CNTN5: variants seen among roughly 807,000 people sequenced by gnomAD.
CNTN5 encodes contactin-5.
In CNTN5, 77 loss-of-function variants were observed where a neutral mutation model predicts 129.1. That is an observed-to-expected ratio of 0.60 (90% CI 0.50 to 0.72). CNTN5 has a LOEUF of 0.72. Among genes scored for constraint, CNTN5 ranks in the 30% least tolerant of loss-of-function variants. The probability of loss-of-function intolerance (pLI) is 0.00; values close to 1 mark genes in which losing one functional copy is unlikely to be tolerated. For missense variants in CNTN5, 1,478 were observed against 1,328.8 expected, an observed-to-expected ratio of 1.11 and a Z score of -1.75; for synonymous variants, 509 against 465.6, an observed-to-expected ratio of 1.09 and a Z score of -1.20.
chr11:99,237,430 C>A lies in CNTN5; in HGVS notation c.-209-87916C>A, dbSNP rs1241936478. Among the ~76,000 whole-genome samples, 3 of 152,146 alleles carry A rather than the reference C, an allele frequency of 2.0e-5. No individual in the cohort carries two copies. The East Asian group carries it at 5.8e-4, about 29-fold the overall frequency. On this transcript the variant is annotated intron_variant, in intron 1 of 24. Transcript: ENST00000524871. ...AGGCATGGTGGCTCAGGCCTGTAATCCCGACACTGTGGGAAGCCGAGGTGG... is the reference window on the plus strand; with the variant it reads ...AGGCATGGTGGCTCAGGCCTGTAATACCGACACTGTGGGAAGCCGAGGTGG...
chr11:99,390,586 A>G (rs963557933), intron 2 of CNTN5, among the ~76,000 whole-genome samples: 2 of 152,158 alleles, frequency 1.3e-5, no homozygotes, highest in Non-Finnish European at 2.9e-5. Context: ...CAGAATTTTT[A>G]TCCATTTGCG....
At chr11:100,091,621 G>C (rs1190828221) in intron 13 of CNTN5, among the ~76,000 whole-genome samples, 3 of 151,530 alleles carry the variant, frequency 2.0e-5, no homozygotes, top group Admixed American at 2.0e-4. Context: ...TAGAAAATGG[G>C]TTTCACCACG....
At chr11:100,258,672 A>G (rs1177773489) in intron 17 of CNTN5, among the ~76,000 whole-genome samples, 2 of 152,206 alleles carry the variant, frequency 1.3e-5, no homozygotes, top group Non-Finnish European at 2.9e-5. Context: ...TTTTCAACCC[A>G]GAATTTCATA....
At chr11:99,333,868 C>G (rs1170677597) in intron 2 of CNTN5, among the ~76,000 whole-genome samples, 1 of 151,880 alleles carries the variant, frequency 6.6e-6, no homozygotes, top group Non-Finnish European at 1.5e-5. Context: ...ATATTATTGT[C>G]CTCATGGTGA....
chr11:99,254,104 G>A (rs377706108), intron 1 of CNTN5, among the ~76,000 whole-genome samples: 1 of 151,596 alleles, frequency 6.6e-6, no homozygotes, highest in African/African-American at 2.4e-5. Context: ...TCAAATAATG[G>A]TTACCAATGG....
Position 99,774,846 on chromosome 11 carries a change from G to C in CNTN5, c.56-44698G>C, listed in dbSNP as rs539632698. Among the ~76,000 whole-genome samples the C allele has an allele frequency of 3.9e-5, 6 of 151,964 alleles. No homozygotes were observed. In the South Asian group the frequency reaches 1.2e-3, roughly 32 times the overall value. ...TTTTGTTCTTTTCTACTACATTAAA[G>C]CCATTATAACAAAATATTAAAAAAA... On this transcript the variant is annotated intron_variant, in intron 3 of 24. Transcript: ENST00000524871.
At chr11:99,028,704 CAAGGT>C (rs60872555) in intron 1 of CNTN5, among the ~76,000 whole-genome samples, 23,613 of 151,590 alleles carry the variant, frequency 0.16, 1,895 homozygotes, top group East Asian at 0.33. Context: ...TAGCCAAACT[CAAGGT>C]AAAAATGAAT....
intron 3 of CNTN5, among the ~76,000 whole-genome samples, chr11:99,578,257 T>A (rs1350775235): frequency 1.3e-5 from 2 of 152,068 alleles, no homozygotes. Flanking sequence ...GTTCCAAGTC[T>A]TTGCTATTGT....
At chr11:99,622,196 A>G (rs1000439668) in intron 3 of CNTN5, among the ~76,000 whole-genome samples, 2 of 152,184 alleles carry the variant, frequency 1.3e-5, no homozygotes, top group Admixed American at 6.5e-5. Flanking sequence ...TAATAACTGT[A>G]TATTTGCAAT....
chr11:99,082,247 G>A (rs1247407730), intron 1 of CNTN5, among the ~76,000 whole-genome samples: 3 of 150,668 alleles, frequency 2.0e-5, no homozygotes, highest in South Asian at 2.1e-4. Context: ...GTGCAGTGGC[G>A]TGATGTCTGC....
At chr11:99,714,648 G>T (rs1955142982) in intron 3 of CNTN5, among the ~76,000 whole-genome samples, 1 of 151,802 alleles carries the variant, frequency 6.6e-6, no homozygotes, top group African/African-American at 2.4e-5. Flanking sequence ...AGAAATGAAG[G>T]TTCACAGTTA....
intron 1 of CNTN5, among the ~76,000 whole-genome samples, chr11:99,143,433 A>G (rs1859627217): frequency 6.7e-6 from 1 of 150,326 alleles, no homozygotes; most frequent in Non-Finnish European, 1.5e-5. Context: ...AATCATTGAA[A>G]TAAAATGGCA....
chr11:100,027,928 T>G (rs556859703), intron 9 of CNTN5, among the ~76,000 whole-genome samples: 1 of 152,320 alleles, frequency 6.6e-6, no homozygotes, highest in East Asian at 1.9e-4. Flanking sequence ...TTTTTCTCAT[T>G]TTTATTTACT....
At chr11:99,612,994 G>A (rs961647579) in intron 3 of CNTN5, among the ~76,000 whole-genome samples, 1 of 152,134 alleles carries the variant, frequency 6.6e-6, no homozygotes, top group Non-Finnish European at 1.5e-5. Flanking sequence ...GAATTGGCAG[G>A]TTTCAGAGTC....
intron 3 of CNTN5, among the ~76,000 whole-genome samples, chr11:99,634,700 G>A (rs1166004647): frequency 6.6e-6 from 1 of 152,146 alleles, no homozygotes; most frequent in Non-Finnish European, 1.5e-5. Flanking sequence ...TTACATTTGT[G>A]AATGTATTCC....
intron 3 of CNTN5, among the ~76,000 whole-genome samples, chr11:99,586,913 C>A (rs1949811374): frequency 6.6e-6 from 1 of 152,154 alleles, no homozygotes; most frequent in Admixed American, 6.5e-5. Flanking sequence ...GTAAGCTTAT[C>A]CAGGAACGTT....
chr11:99,618,041 C>A (rs1950814905), intron 3 of CNTN5, among the ~76,000 whole-genome samples: 1 of 152,014 alleles, frequency 6.6e-6, no homozygotes, highest in South Asian at 2.1e-4. Context: ...TGAATGGTGT[C>A]AAAGTATGTG....
rs145337304 is a variant in CNTN5, at chr11:99,233,294, A to T, written c.-209-92052A>T. ...TCATATAAAGTTGCTTTTTCTCTTAACTTTCTTGTAGCCAGTGAAAATCCC... is the reference window on the plus strand; with the variant it reads ...TCATATAAAGTTGCTTTTTCTCTTATCTTTCTTGTAGCCAGTGAAAATCCC... On this transcript the variant is annotated intron_variant, in intron 1 of 24. Transcript: ENST00000524871. Among the ~76,000 whole-genome samples the T allele has an allele frequency of 3.6e-3, 548 of 152,306 alleles. 3 individuals are homozygous for T. Among genetic ancestry groups the T allele is most frequent in the African/African-American group, 0.011 (470 of 41,566 alleles).
chr11:100,110,647 A>T (rs929690024), intron 13 of CNTN5, among the ~76,000 whole-genome samples: 1 of 152,202 alleles, frequency 6.6e-6, no homozygotes, highest in Non-Finnish European at 1.5e-5. Flanking sequence ...AATTGTCTAT[A>T]GTTAGAGGAA....
Sources: allele counts gnomAD v4.1 joint callset (sites outside exome capture counted in the v4.1 genomes callset), GRCh38; gene constraint gnomAD v4.1.1; transcripts MANE v1.5; gene names NCBI Gene and HGNC (gene_info 2026-07-23, HGNC 2026-07-21).